The following ZNF679 variants were observed in gnomAD, a reference collection of about 807,000 sequenced individuals.
ZNF679 encodes the protein hypothetical protein MGC42415.
Under a neutral mutation model 13.4 loss-of-function variants are expected in ZNF679, and 10 were observed. The ratio of observed to expected loss-of-function variants is 0.75; its 90% CI spans 0.46 to 1.27. The LOEUF is 1.27. ZNF679 is among the 50% of genes most tolerant of loss of function. The pLI is 0.00. For synonymous variants in ZNF679, 179 were observed against 162.5 expected (o/e 1.10, Z -0.77); for missense variants, 525 against 477.8 (o/e 1.10, Z -0.92).
chr7:64,262,943 TATTAA>T (rs1215702378), intron 4 of ZNF679, among the ~76,000 whole-genome samples: 2 of 152,236 alleles, frequency 1.3e-5, no homozygotes, highest in South Asian at 2.1e-4. Flanking sequence ...TGAGCAAAAA[TATTAA>T]ATTAAATTAA....
chr7:64,247,802 C>T (rs1474535864), intron 1 of ZNF679, among the ~76,000 whole-genome samples: 2 of 151,800 alleles, frequency 1.3e-5, no homozygotes, highest in Non-Finnish European at 2.9e-5. Context: ...TCGACCACCT[C>T]GGCCACTGAA....
intron 2 of ZNF679, among the ~76,000 whole-genome samples, chr7:64,254,665 C>A (rs561985613): frequency 7.0e-4 from 106 of 151,976 alleles, no homozygotes; most frequent in African/African-American, 2.5e-3. Flanking sequence ...ATAGATGAGT[C>A]CCCGGGATTT....
At chr7:64,242,386 C>T (rs1240185394) in intron 1 of ZNF679, among the ~76,000 whole-genome samples, 3 of 152,196 alleles carry the variant, frequency 2.0e-5, no homozygotes, top group African/African-American at 7.2e-5. Context: ...GACCTTTGTG[C>T]TTGCCCAGGC....
chr7:64,258,369 A>C (rs1383134252), intron 2 of ZNF679, among the ~76,000 whole-genome samples: 1 of 152,028 alleles, frequency 6.6e-6, no homozygotes, highest in Admixed American at 6.6e-5. Flanking sequence ...GGAGGAAAAG[A>C]AAAAAATCAC....
Position 64,260,853 on chromosome 7 carries a change from A to G in ZNF679, c.186A>G (p.Pro62=), listed in dbSNP as rs1371771642. ...LVSLGIAVSK[P]DLITCLEQNK... ...AAACAGGTATTGCTGTCTCTAAGCCAGACTTGATCACCTGTCTGGAGCAAA... is the reference window on the plus strand; with the variant it reads ...AAACAGGTATTGCTGTCTCTAAGCCGGACTTGATCACCTGTCTGGAGCAAA... Residue 62 remains proline, a synonymous_variant, in exon 4 of 5, where the codon CCA becomes CCG. Coordinates refer to ENST00000421025, the MANE Select transcript of ZNF679 (RefSeq NM_153363.3). The G allele has an allele frequency of 1.2e-6, 2 of 1,610,012 alleles. No individual in the cohort carries two copies. The highest frequency in any genetic ancestry group is 2.2e-5 in the South Asian group (2 of 90,236).
intron 1 of ZNF679, among the ~76,000 whole-genome samples, chr7:64,231,480 G>C (rs1787638363): frequency 6.6e-6 from 1 of 152,162 alleles, no homozygotes; most frequent in Admixed American, 6.5e-5. Flanking sequence ...GTAGGTGCTA[G>C]GCAAAGCATT....
intron 1 of ZNF679, among the ~76,000 whole-genome samples, chr7:64,244,367 G>C (rs939677060): frequency 2.0e-5 from 3 of 151,952 alleles, no homozygotes; most frequent in African/African-American, 7.3e-5. Context: ...CAATATTTCT[G>C]ACTTTTGAAC....
intron 1 of ZNF679, among the ~76,000 whole-genome samples, chr7:64,236,991 GAAAGAAAGAA>G (rs776798718): frequency 0.03 from 1,537 of 51,020 alleles, 111 homozygotes; most frequent in East Asian, 0.13. Flanking sequence ...AAGAAAGAAA[GAAAGAAAGAA>G]AAAGAAAGAA....
chr7:64,258,949 T>G (rs1000700600), intron 2 of ZNF679, among the ~76,000 whole-genome samples: 1 of 152,064 alleles, frequency 6.6e-6, no homozygotes, highest in Non-Finnish European at 1.5e-5. Context: ...TTCACTCTTG[T>G]CCCCCAGGCT....
At chr7:64,235,406 A>G (rs1787695576) in intron 1 of ZNF679, among the ~76,000 whole-genome samples, 1 of 152,110 alleles carries the variant, frequency 6.6e-6, no homozygotes, top group Non-Finnish European at 1.5e-5. Flanking sequence ...CTATATTAAG[A>G]AAAAGGAAAA....
intron 2 of ZNF679, among the ~76,000 whole-genome samples, chr7:64,251,554 A>G (rs1787944570): frequency 6.6e-6 from 1 of 152,218 alleles, no homozygotes; most frequent in Non-Finnish European, 1.5e-5. Context: ...AAGCTCAGAC[A>G]TCTTATCATA....
chr7:64,258,260 C>T (rs181834494), intron 2 of ZNF679, among the ~76,000 whole-genome samples: 27 of 151,866 alleles, frequency 1.8e-4, no homozygotes, highest in African/African-American at 5.6e-4. Flanking sequence ...GTGTGTGTGG[C>T]GGTAGCAGGT....
rs1242645630 is a variant in ZNF679 at position 64,266,825 on chromosome 7, C to T, written c.1192C>T (p.His398Tyr). Residue 398 changes from histidine to tyrosine, a missense_variant, in exon 5 of 5, where the codon CAT becomes TAT. Coordinates refer to ENST00000421025, the MANE Select transcript of ZNF679 (RefSeq NM_153363.3). ...TAAGTGGTCCTCAAGTCTTGCTAAT[C>T]ATAAGAGTATGCATACTGGAGAGAA... Reference protein sequence around the residue: ...AFKWSSSLANHKSMHTGEKPY... With the variant: ...AFKWSSSLANYKSMHTGEKPY... 2 of 1,597,746 alleles carry T rather than the reference C, an allele frequency of 1.3e-6. No homozygotes were observed. Among genetic ancestry groups the T allele is most frequent in the Non-Finnish European group, 1.7e-6 (2 of 1,171,374 alleles).
In ZNF679 at chr7:64,266,857, C is replaced by A. The variant is rs574579458; in HGVS notation, c.1224C>A (p.Tyr408Ter). Reference sequence around the variant, plus strand: ...GTATGCATACTGGAGAGAAACCCTACAAATGTGAATAATGTGATAAAGTCC... The same window carrying A: ...GTATGCATACTGGAGAGAAACCCTAAAAATGTGAATAATGTGATAAAGTCC... ...HKSMHTGEKP[Y>*]KCE The change falls in exon 5 of 5, where the codon TAC becomes TAA. Residue 408 changes from tyrosine to a stop codon, truncating the protein, a stop_gained. Coordinates refer to ENST00000421025, the MANE Select transcript of ZNF679 (RefSeq NM_153363.3). LOFTEE classifies it high-confidence loss of function. 204 of 1,572,606 alleles carry A rather than the reference C, an allele frequency of 1.3e-4. 3 individuals carry two copies. In the South Asian group the frequency reaches 2.2e-3, roughly 17 times the overall value.
rs200110948 is a variant in ZNF679 at position 64,266,358 on chromosome 7, G to T, written c.725G>T (p.Cys242Phe). Residue 242 changes from cysteine (C) to phenylalanine (F), a missense_variant, in exon 5 of 5, where the codon TGT becomes TTT. Coordinates refer to ENST00000421025, the MANE Select transcript of ZNF679 (RefSeq NM_153363.3). ...RIHTGEKPYR[C>F]EECGKAFTWS... Reference sequence around the variant, plus strand: ...CATACTGGAGAGAAACCCTACAGATGTGAGGAATGTGGCAAAGCTTTTACC... The same window carrying T: ...CATACTGGAGAGAAACCCTACAGATTTGAGGAATGTGGCAAAGCTTTTACC... The T allele has an allele frequency of 2.3e-5, 37 of 1,613,658 alleles. No individual in the cohort carries two copies. Among genetic ancestry groups the T allele is most frequent in the Non-Finnish European group, 3.1e-5 (37 of 1,179,800 alleles).
intron 1 of ZNF679, among the ~76,000 whole-genome samples, chr7:64,242,810 G>A (rs899396568): frequency 5.3e-5 from 8 of 149,652 alleles, no homozygotes; most frequent in Non-Finnish European, 1.2e-4. Context: ...TTTATTTTTT[G>A]GCCTAAACCC....
intron 1 of ZNF679, among the ~76,000 whole-genome samples, chr7:64,231,537 T>C (rs1467490611): frequency 1.3e-5 from 2 of 152,104 alleles, no homozygotes; most frequent in Admixed American, 1.3e-4. Flanking sequence ...GGGAGCAGAG[T>C]CATGTCACAT....
rs867078648 is a variant in ZNF679 at position 64,249,110 on chromosome 7, G to A, written c.-8G>A. 1.2e-6 allele frequency: 2 copies of A among 1,613,954 alleles called. No individual in the cohort carries two copies. The highest frequency in any genetic ancestry group is 1.6e-4 in the Middle Eastern group (1 of 6,082). ...GTGGCCTTGTGTTCTGCAGGTATCC[G>A]CAGATTTATGGCTAAAAGACCGGGA... On this transcript the variant is annotated 5_prime_UTR_variant, in exon 2 of 5. Transcript: ENST00000421025.
chr7:64,239,264 G>A (rs904432807), intron 1 of ZNF679, among the ~76,000 whole-genome samples: 1 of 152,180 alleles, frequency 6.6e-6, no homozygotes, highest in Non-Finnish European at 1.5e-5. Flanking sequence ...CACCATTGAG[G>A]TTGTGACACC....
Sources: gnomAD v4.1 joint callset for allele counts (sites outside exome capture counted in the v4.1 genomes callset) on GRCh38, gnomAD v4.1.1 for gene constraint, MANE v1.5 for transcripts, NCBI Gene and HGNC (gene_info 2026-07-23, HGNC 2026-07-21) for gene names.